The following SUSD1 variants were observed in gnomAD, a reference collection of about 807,000 sequenced individuals.
The protein encoded by SUSD1 is sushi domain containing 1, also known as sushi domain-containing protein 1.
In SUSD1, 65 loss-of-function variants were observed where a neutral mutation model predicts 86.9. That is an observed-to-expected ratio of 0.75 (90% CI 0.61 to 0.92). The LOEUF is 0.92. SUSD1 is among the 40% of genes least tolerant of loss of function. SUSD1 has a pLI of 0.00. For synonymous variants in SUSD1, 346 were observed against 350.0 expected, an observed-to-expected ratio of 0.99 and a Z score of 0.13; for missense variants, 850 against 929.7, an observed-to-expected ratio of 0.91 and a Z score of 1.11.
At chr9:112,127,082 C>T (rs1210957068) in intron 5 of SUSD1, among the ~76,000 whole-genome samples, 1 of 152,014 alleles carries the variant, frequency 6.6e-6, no homozygotes, top group Non-Finnish European at 1.5e-5. Context: ...CACAGCTTCT[C>T]GAAAGTTGGC....
intron 6 of SUSD1, among the ~76,000 whole-genome samples, chr9:112,121,943 G>A (rs746040544): frequency 2.6e-5 from 4 of 152,208 alleles, no homozygotes; most frequent in Non-Finnish European, 4.4e-5. Flanking sequence ...ATCTTCACAT[G>A]AGGCTAACAA....
intron 6 of SUSD1, among the ~76,000 whole-genome samples, chr9:112,121,323 A>G (rs1178087147): frequency 2.6e-5 from 4 of 152,204 alleles, no homozygotes; most frequent in African/African-American, 9.6e-5. Flanking sequence ...CAGGGCCTCA[A>G]CAGCAGAGGT....
chr9:112,112,981 C>T, intron 6 of SUSD1, 113 bp from the exon 7 acceptor site: 1 of 672,360 alleles, frequency 1.5e-6, no homozygotes, highest in Non-Finnish European at 2.7e-6. Flanking sequence ...ACCATTCATC[C>T]TCAGAGGCAG....
Position 112,086,564 on chromosome 9 carries a change from G to A in SUSD1, c.1475-6399C>T, listed in dbSNP as rs13296991. ...AAAGAAAGAAAGAAAGAAAGAAAGA[G>A]AGAGAGAGAGAGAGAGAGAGATCTG... On this transcript the variant is annotated intron_variant, in intron 10 of 16. Transcript: ENST00000374270. Among the ~76,000 whole-genome samples the A allele has an allele frequency of 7.0e-3, 876 of 124,816 alleles. 5 individuals carry two copies. The highest frequency in any genetic ancestry group is 0.011 in the East Asian group (50 of 4,676). The allele number at this position is 124,816 out of a possible 152,430, so 81.9% of individuals were successfully genotyped here. A position where few individuals can be genotyped will look rare whatever the true frequency, so the allele number is the denominator to read the frequency against.
chr9:112,075,160 G>A (rs1301460468), intron 12 of SUSD1, among the ~76,000 whole-genome samples: 2 of 152,012 alleles, frequency 1.3e-5, no homozygotes, highest in African/African-American at 4.8e-5. Flanking sequence ...ACCACAGAAA[G>A]AAATGCCCAG....
intron 15 of SUSD1, among the ~76,000 whole-genome samples, chr9:112,051,987 A>G (rs1306967166): frequency 6.6e-6 from 1 of 152,206 alleles, no homozygotes; most frequent in Non-Finnish European, 1.5e-5. Context: ...ACCTAGCAGG[A>G]AAGAATCTTT....
At chr9:112,062,204 G>A (rs1828759342) in intron 13 of SUSD1, among the ~76,000 whole-genome samples, 1 of 152,022 alleles carries the variant, frequency 6.6e-6, no homozygotes. Context: ...TTACATAAAG[G>A]GCAACATATT....
At chr9:112,174,877 G>C (rs1834203043) in intron 1 of SUSD1, among the ~76,000 whole-genome samples, 1 of 151,934 alleles carries the variant, frequency 6.6e-6, no homozygotes, top group South Asian at 2.1e-4. Context: ...TGGGGGCCCG[G>C]CCAGGCCGCC....
chr9:112,151,465 C>T (rs900182974), intron 2 of SUSD1, among the ~76,000 whole-genome samples: 13 of 149,100 alleles, frequency 8.7e-5, no homozygotes, highest in Admixed American at 6.0e-4. Context: ...GGCATAATGG[C>T]GGGCACCTGT....
intron 9 of SUSD1, among the ~76,000 whole-genome samples, chr9:112,099,015 TTCTCTCTCTCTCTCTCTCTC>T (rs58040511): frequency 1.4e-5 from 2 of 145,888 alleles, no homozygotes; most frequent in South Asian, 2.2e-4. Flanking sequence ...GAATACTTCG[TTCTCTCTCTCTCTCTCTCTC>T]TCTCTCTCTC....
At chr9:112,053,029 T>A (rs932253165) in intron 14 of SUSD1, among the ~76,000 whole-genome samples, 1 of 152,212 alleles carries the variant, frequency 6.6e-6, no homozygotes, top group African/African-American at 2.4e-5. Context: ...CATTATGATA[T>A]GCTTATTTAC....
intron 12 of SUSD1, among the ~76,000 whole-genome samples, chr9:112,074,220 CA>C (rs950790288): frequency 6.7e-6 from 1 of 150,236 alleles, no homozygotes; most frequent in African/African-American, 2.4e-5. Flanking sequence ...TGTCTCAAAA[CA>C]AAAAAAAAGA....
chr9:112,111,857 CA>C lies in SUSD1; in HGVS notation c.985-18del. On this transcript the variant is annotated intron_variant, in intron 7 of 16. Transcript: ENST00000374270. The stretch of plus-strand genomic sequence containing the variant: ...TATGGATATCTTTGAGAGGAAAAGA[CA>C]AGAGAACCCACTCTGACTCCAGTCA... 6.2e-7 allele frequency: 1 copy of C among 1,611,748 alleles called. No homozygotes were observed.
intron 5 of SUSD1, among the ~76,000 whole-genome samples, chr9:112,135,309 C>T (rs918393292): frequency 2.6e-5 from 4 of 152,232 alleles, no homozygotes; most frequent in Admixed American, 6.5e-5. Flanking sequence ...TTCTTCAGAT[C>T]GTATTCATAC....
At chr9:112,164,076 G>A (rs1048855132) in intron 1 of SUSD1, among the ~76,000 whole-genome samples, 2 of 152,134 alleles carry the variant, frequency 1.3e-5, no homozygotes, top group African/African-American at 4.8e-5. Flanking sequence ...TAACTATTGA[G>A]TAAATCTAAT....
chr9:112,065,572 A>G (rs150925006), intron 12 of SUSD1, among the ~76,000 whole-genome samples: 3 of 152,296 alleles, frequency 2.0e-5, no homozygotes, highest in African/African-American at 7.2e-5. Flanking sequence ...TTACAAACAC[A>G]TCAGCTCCAA....
Position 112,148,350 on chromosome 9 carries a change from G to C in SUSD1, c.373+894C>G, listed in dbSNP as rs141199390. Among the ~76,000 whole-genome samples, 795 of 152,214 alleles carry C rather than the reference G, an allele frequency of 5.2e-3. 13 individuals carry two copies. Among genetic ancestry groups the C allele is most frequent in the Admixed American group, 0.032 (485 of 15,286 alleles). The stretch of plus-strand genomic sequence containing the variant: ...TTTGTCCCCACCCTGTATTCGACCA[G>C]CCTATGCTCAGAGACCCAGCCTACA... On this transcript the variant is annotated intron_variant, in intron 3 of 16. Coordinates refer to ENST00000374270, the MANE Select transcript of SUSD1 (RefSeq NM_022486.5).
At chr9:112,115,139 G>A (rs182479384) in intron 6 of SUSD1, among the ~76,000 whole-genome samples, 2 of 152,220 alleles carry the variant, frequency 1.3e-5, no homozygotes, top group East Asian at 3.9e-4. Flanking sequence ...AAATCTCTTC[G>A]CAGTCTCCAA....
At chr9:112,064,530 C>T (rs2131507012) in intron 12 of SUSD1, among the ~76,000 whole-genome samples, 1 of 152,310 alleles carries the variant, frequency 6.6e-6, no homozygotes, top group East Asian at 1.9e-4. Context: ...CTTCCACTTC[C>T]CCATAGGTGG....
Sources: gnomAD v4.1 joint callset for allele counts (sites outside exome capture counted in the v4.1 genomes callset) on GRCh38, gnomAD v4.1.1 for gene constraint, MANE v1.5 for transcripts, NCBI Gene and HGNC (gene_info 2026-07-23, HGNC 2026-07-21) for gene names.